The following USPL1 variants were observed in gnomAD, a reference collection of about 807,000 sequenced individuals.
The protein encoded by USPL1 is ubiquitin specific peptidase like 1.
A neutral mutation model predicts 51.5 loss-of-function variants in USPL1; 27 were observed. That is an observed-to-expected ratio of 0.52 (90% confidence interval 0.39 to 0.72). The LOEUF (loss-of-function observed/expected upper bound fraction) is 0.72, where lower values mean the gene tolerates loss of function less well. USPL1 is among the 30% of genes least tolerant of loss of function. The pLI, the probability that USPL1 is intolerant of heterozygous loss-of-function variation, is 0.00. For missense variants in USPL1, 1,226 were observed against 1,268.0 expected, an observed-to-expected ratio of 0.97 and a Z score of 0.50; for synonymous variants, 451 against 459.6, an observed-to-expected ratio of 0.98 and a Z score of 0.24.
intron 4 of USPL1, among the ~76,000 whole-genome samples, chr13:30,635,930 A>G (rs1950870222): frequency 6.6e-6 from 1 of 152,204 alleles, no homozygotes; most frequent in African/African-American, 2.4e-5. Context: ...GTACCAATAT[A>G]TAATTCCATT....
In USPL1 at chr13:30,631,111, T is replaced by C. The variant is rs372687620; in HGVS notation, c.505T>C (p.Leu169=). 8 of 1,614,070 alleles carry C rather than the reference T, an allele frequency of 5.0e-6. No homozygotes were observed. The African/African-American group carries it at 1.1e-4, about 22-fold the overall frequency. Residue 169 remains leucine, a synonymous_variant, in exon 4 of 9, where the codon TTG becomes CTG. Coordinates refer to ENST00000255304, the MANE Select transcript of USPL1 (RefSeq NM_005800.5). ...QQNPIRTADS[L]ERNEILEADT... Reference sequence around the variant, plus strand: ...GAATCCAATTAGGACAGCTGATTCCTTGGAGCGGAATGAGATTTTGGAAGC... The same window carrying C: ...GAATCCAATTAGGACAGCTGATTCCCTGGAGCGGAATGAGATTTTGGAAGC...
intron 7 of USPL1, 90 bp from the exon 8 acceptor site, chr13:30,653,058 A>G: frequency 7.7e-7 from 1 of 1,292,114 alleles, no homozygotes; most frequent in Non-Finnish European, 1.0e-6. Flanking sequence ...TGGAAGTGTT[A>G]TGTGTGACTA....
At chr13:30,630,761 C>G (rs931449147) in intron 3 of USPL1, 74 bp from the exon 4 acceptor site, 7 of 1,418,066 alleles carry the variant, frequency 4.9e-6, no homozygotes, top group Non-Finnish European at 6.6e-6. Context: ...ACATGTTTTT[C>G]ATGATATGAA....
In USPL1 at chr13:30,630,977, A is replaced by G. The variant is rs200601703; in HGVS notation, c.371A>G (p.Lys124Arg). 2 of 1,614,122 alleles carry G rather than the reference A, an allele frequency of 1.2e-6. No homozygotes were observed. The highest frequency in any genetic ancestry group is 2.7e-5 in the African/African-American group (2 of 75,064). The change falls in exon 4 of 9, where the codon AAG (lysine) becomes AGG (arginine). Residue 124 changes from lysine to arginine, a missense_variant. By Grantham distance (26) the Lys-to-Arg change is conservative. Transcript: ENST00000255304. ...KDSLLLANSKKTRNYIAIDGG... is the reference protein window; with the variant it reads ...KDSLLLANSKRTRNYIAIDGG... ...TCACTTCTTTTAGCAAATTCCAAAA[A>G]GACTAGAAATTATATTGCTATTGAC... is the stretch of plus-strand genomic sequence containing the variant.
At chr13:30,619,703 G>T (rs376910812) in intron 1 of USPL1, among the ~76,000 whole-genome samples, 7 of 152,256 alleles carry the variant, frequency 4.6e-5, no homozygotes, top group African/African-American at 1.7e-4. Flanking sequence ...ACAAGTAAGT[G>T]TCTGGACCAA....
Position 30,657,982 on chromosome 13 carries a change from A to G in USPL1, c.1905A>G (p.Ser635=). 6.2e-7 allele frequency: 1 copy of G among 1,613,620 alleles called. No individual in the cohort carries two copies. Among genetic ancestry groups the G allele is most frequent in the Admixed American group, 1.7e-5 (1 of 60,028 alleles). The change falls in exon 9 of 9, where the codon TCA becomes TCG. Residue 635 remains serine, a synonymous_variant. Coordinates refer to ENST00000255304, the MANE Select transcript of USPL1 (RefSeq NM_005800.5). The part of the protein sequence containing the change: ...LLSQESLMAS[S]VSAPCNEKLI... ...CACAAGAATCACTAATGGCTTCTTC[A>G]GTATCAGCTCCATGTAATGAAAAGC...
Position 30,656,303 on chromosome 13 carries a change from C to G in USPL1, c.1397-1171C>G, listed in dbSNP as rs917480372. 6.0e-5 allele frequency among the ~76,000 whole-genome samples: 9 copies of G among 149,148 alleles called. 1 individual carries two copies. The highest frequency in any genetic ancestry group is 8.9e-5 in the Non-Finnish European group (6 of 67,162). ...CATTGAATACATTGTGTGCAACCAC[C>G]ATCACCATCAGGACTTTTTCATCAA... On this transcript the variant is annotated intron_variant, in intron 8 of 8. Coordinates refer to ENST00000255304, the MANE Select transcript of USPL1 (RefSeq NM_005800.5).
intron 3 of USPL1, among the ~76,000 whole-genome samples, chr13:30,624,015 A>T (rs890252849): frequency 7.2e-5 from 11 of 152,176 alleles, no homozygotes; most frequent in African/African-American, 2.4e-4. Context: ...GTTATGCCCA[A>T]GAAGGGGGAG....
At chr13:30,640,487 C>A (rs909820967) in intron 5 of USPL1, among the ~76,000 whole-genome samples, 4 of 152,054 alleles carry the variant, frequency 2.6e-5, no homozygotes, top group Admixed American at 1.3e-4. Context: ...GTCAGGAGTT[C>A]AAGATCAGCC....
chr13:30,658,435 A>T lies in USPL1; in HGVS notation c.2358A>T (p.Leu786Phe). 1 of 1,613,790 alleles carries T rather than the reference A, an allele frequency of 6.2e-7. No homozygotes were observed. Among genetic ancestry groups the T allele is most frequent in the Non-Finnish European group, 8.5e-7 (1 of 1,180,046 alleles). ...ATAATAGAAACACTATAACTGATTT[A>T]CAACCTTCAGTTAAAGGGGTAAATA... ...SAHNRNTITD[L>F]QPSVKGVNNF... The change falls in exon 9 of 9, where the codon TTA (leucine) becomes TTT (phenylalanine). Residue 786 changes from leucine (L) to phenylalanine (F), a missense_variant. Coordinates refer to ENST00000255304, the MANE Select transcript of USPL1 (RefSeq NM_005800.5).
chr13:30,647,193 G>GATAGAGCGAGGCAGCTGGCAA, intron 7 of USPL1, 136 bp downstream of exon 7: 1 of 1,026,984 alleles, frequency 9.7e-7, no homozygotes, highest in Non-Finnish European at 1.4e-6. Context: ...TGGGTTGCCA[G>GATAGAGCGAGGCAGCTGGCAA]CTGCCTCGCT....
chr13:30,648,189 AC>A (rs1951042946), intron 7 of USPL1, among the ~76,000 whole-genome samples: 1 of 152,026 alleles, frequency 6.6e-6, no homozygotes, highest in Non-Finnish European at 1.5e-5. Flanking sequence ...GTTAGGTTTC[AC>A]TTTTACAATT....
At position 30,659,164 on chromosome 13, in the gene USPL1, C is replaced by T. The variant is rs1454809950; in HGVS notation, c.3087C>T (p.Pro1029=). Residue 1029 remains proline (P), a synonymous_variant, in exon 9 of 9, where the codon CCC becomes CCT. Transcript: ENST00000255304. ...HLRQDHNYCS[P]TKKNPCEVQP... is the part of the protein sequence containing the mutation. ...GACAGGACCATAATTATTGTAGCCC[C>T]ACCAAGAAAAATCCATGTGAAGTTC... The T allele has an allele frequency of 2.5e-6, 4 of 1,614,100 alleles. No homozygotes were observed. In the Admixed American group the frequency reaches 6.7e-5, roughly 27 times the overall value.
rs1165709968 is a variant in USPL1, at chr13:30,637,745, T to C, written c.870T>C (p.Asp290=). The C allele has an allele frequency of 6.2e-7, 1 of 1,605,318 alleles. No individual in the cohort carries two copies. Among genetic ancestry groups the C allele is most frequent in the Non-Finnish European group, 8.5e-7 (1 of 1,174,594 alleles). ...LYTSQLSGVK[D]GDCKKLTSEI... ...ATAATGTTCTCTGTATTTTCTTAGA[T>C]GGAGATTGTAAAAAACTTACCTCAG... The change falls in exon 5 of 9, where the codon GAT becomes GAC. Residue 290 remains aspartate, a splice_region_variant and synonymous_variant. Coordinates refer to ENST00000255304, the MANE Select transcript of USPL1 (RefSeq NM_005800.5).
At chr13:30,656,873 CTT>C (rs565210591) in intron 8 of USPL1, among the ~76,000 whole-genome samples, 7 of 142,042 alleles carry the variant, frequency 4.9e-5, no homozygotes, top group Middle Eastern at 3.6e-3. Context: ...TAATGGGTGT[CTT>C]TTTTTTTTTT....
At chr13:30,631,620 T>G (rs1950807427) in intron 4 of USPL1, 146 bp downstream of exon 4, 2 of 714,390 alleles carry the variant, frequency 2.8e-6, no homozygotes, top group Non-Finnish European at 4.5e-6. Context: ...CCCACCTCAG[T>G]CTCCCAAGTA....
chr13:30,655,642 T>G (rs974846210), intron 8 of USPL1, among the ~76,000 whole-genome samples: 1 of 152,234 alleles, frequency 6.6e-6, no homozygotes, highest in African/African-American at 2.4e-5. Context: ...AAAGAGAAAC[T>G]GAGCGCACTT....
intron 3 of USPL1, among the ~76,000 whole-genome samples, chr13:30,629,269 C>T (rs1040737329): frequency 6.6e-6 from 1 of 151,984 alleles, no homozygotes; most frequent in African/African-American, 2.4e-5. Flanking sequence ...TTTGGGAGGC[C>T]GAGGCAGGCA....
At chr13:30,618,088 C>T (rs940777580) in intron 1 of USPL1, 32 bp downstream of exon 1, 1 of 152,268 alleles carries the variant, frequency 6.6e-6, no homozygotes, top group African/African-American at 2.4e-5. Context: ...TTTCTTTCCG[C>T]TCTCGAAATT....
Sources: gnomAD v4.1 joint callset for allele counts (sites outside exome capture counted in the v4.1 genomes callset) on GRCh38, gnomAD v4.1.1 for gene constraint, MANE v1.5 for transcripts, NCBI Gene and HGNC (gene_info 2026-07-23, HGNC 2026-07-21) for gene names.